The following CCDC186 variants were observed in gnomAD, a reference collection of about 807,000 sequenced individuals.
CCDC186 encodes the protein coiled-coil domain-containing protein 186.
Under a neutral mutation model 113.7 loss-of-function variants are expected in CCDC186, and 49 were observed. The observed-to-expected ratio is 0.43, with a 90% confidence interval of 0.34 to 0.55. CCDC186 has a LOEUF of 0.55. Among genes scored for constraint, CCDC186 ranks in the 20% least tolerant of loss-of-function variants. CCDC186 has a pLI of 0.02. For missense variants in CCDC186, 890 were observed against 1,011.1 expected (o/e 0.88, Z 1.62); for synonymous variants, 355 against 345.8 (o/e 1.03, Z -0.30).
At chr10:114,158,101 G>C (rs942994869) in intron 2 of CCDC186, among the ~76,000 whole-genome samples, 1 of 152,186 alleles carries the variant, frequency 6.6e-6, no homozygotes. Context: ...GCTGCTACTG[G>C]CATCTAGTGG....
In CCDC186 at chr10:114,163,123, G is replaced by C; in HGVS notation, c.146C>G (p.Thr49Ser). Residue 49 changes from threonine to serine, a missense_variant, in exon 2 of 16, where the codon ACT becomes AGT. By Grantham distance (58) the Thr-to-Ser change is moderately conservative. Transcript: ENST00000369287. Reference sequence around the variant, plus strand: ...ATTAGGTTGACATAAAGTTTTATCAGTGTTTAATGACAATAGTTTGGACTC... The same window carrying C: ...ATTAGGTTGACATAAAGTTTTATCACTGTTTAATGACAATAGTTTGGACTC... ...ENESKLLSLN[T>S]DKTLCQPNEH... 6.2e-7 allele frequency: 1 copy of C among 1,613,944 alleles called. No homozygotes were observed.
rs1411342823 is a variant in CCDC186 at position 114,145,581 on chromosome 10, T to C, written c.1069A>G (p.Lys357Glu). The C allele has an allele frequency of 1.2e-6, 2 of 1,611,488 alleles. No individual in the cohort carries two copies. Among genetic ancestry groups the C allele is most frequent in the Admixed American group, 3.4e-5 (2 of 59,676 alleles). The change falls in exon 5 of 16, where the codon AAA becomes GAA. Residue 357 changes from lysine to glutamate, a missense_variant. Transcript: ENST00000369287. ...TNKIKQLSQE[K>E]GRLHQLYETK... ...TCATACAGCTGGTGCAACCGTCCTTTCTCCTGAGAAAGCTGCTTAATTTTG... is the reference window on the plus strand; with the variant it reads ...TCATACAGCTGGTGCAACCGTCCTTCCTCCTGAGAAAGCTGCTTAATTTTG...
At chr10:114,157,492 G>A in intron 3 of CCDC186, 62 bp downstream of exon 3, 1 of 1,463,292 alleles carries the variant, frequency 6.8e-7, no homozygotes, top group Middle Eastern at 2.1e-4. Flanking sequence ...ACAATCGGCT[G>A]CCAGGAATGT....
chr10:114,146,349 A>G (rs2031640861), intron 4 of CCDC186, among the ~76,000 whole-genome samples: 1 of 152,238 alleles, frequency 6.6e-6, no homozygotes, highest in Non-Finnish European at 1.5e-5. Context: ...CCACACCTTG[A>G]CAAAGAATCT....
chr10:114,149,177 C>T (rs565576253), intron 4 of CCDC186, among the ~76,000 whole-genome samples: 1 of 152,284 alleles, frequency 6.6e-6, no homozygotes, highest in South Asian at 2.1e-4. Context: ...CAAGTTAACA[C>T]TTGTAAAGTA....
intron 7 of CCDC186, 98 bp from the exon 8 acceptor site, chr10:114,136,344 A>G (rs2031261422): frequency 2.6e-6 from 2 of 764,016 alleles, no homozygotes; most frequent in South Asian, 3.4e-5. Flanking sequence ...CATCATATAC[A>G]TTTCTGTTAC....
At chr10:114,132,310 T>C (rs2031114145) in intron 10 of CCDC186, 126 bp from the exon 11 acceptor site, 1 of 685,726 alleles carries the variant, frequency 1.5e-6, no homozygotes, top group Non-Finnish European at 2.2e-6. Flanking sequence ...CAAATATTTA[T>C]AAATGCCTAA....
intron 15 of CCDC186, 59 bp downstream of exon 15, chr10:114,125,827 G>T: frequency 7.0e-7 from 1 of 1,429,738 alleles, no homozygotes; most frequent in Non-Finnish European, 9.8e-7. Flanking sequence ...ATCAGACTGT[G>T]AAACAGGCAT....
Position 114,158,419 on chromosome 10 carries a change from T to C in CCDC186, c.633-739A>G, listed in dbSNP as rs200685971. Among the ~76,000 whole-genome samples the C allele has an allele frequency of 3.9e-5, 6 of 152,216 alleles. No individual in the cohort carries two copies. In the East Asian group the frequency reaches 1.2e-3, roughly 29 times the overall value. On this transcript the variant is annotated intron_variant, in intron 2 of 15. Transcript: ENST00000369287. ...TAACAGCAAGTACTCTAGGACTAAT[T>C]AGCAATAGCTGTAACCTAACATTTA... is the stretch of plus-strand genomic sequence containing the variant.
chr10:114,173,897 C>CCTCGCA (rs1331116372), intron 1 of CCDC186, 118 bp downstream of exon 1: 2 of 397,032 alleles, frequency 5.0e-6, no homozygotes, highest in East Asian at 8.6e-5. Flanking sequence ...TCGACCTCCA[C>CCTCGCA]CTCGCACTCG....
rs191183168 is a variant in CCDC186, at chr10:114,125,129, G to T, written c.*14C>A. The stretch of plus-strand genomic sequence containing the variant: ...TGTGTGGCTTTTGTCTCTTTACTGA[G>T]CAAGAGGCTTGTTTTAGGTTTTCTT... On this transcript the variant is annotated 3_prime_UTR_variant, in exon 16 of 16. Transcript: ENST00000369287. The T allele has an allele frequency of 2.0e-4, 316 of 1,586,108 alleles. No individual in the cohort carries two copies. In the African/African-American group the frequency reaches 3.8e-3, roughly 19 times the overall value.
intron 3 of CCDC186, among the ~76,000 whole-genome samples, chr10:114,155,146 A>G (rs757390440): frequency 9.2e-5 from 14 of 152,206 alleles, no homozygotes; most frequent in Admixed American, 8.5e-4. Context: ...TGGGGTGATG[A>G]CATGTTCTAA....
chr10:114,154,056 C>CA (rs555710943), intron 3 of CCDC186, among the ~76,000 whole-genome samples: 66 of 151,164 alleles, frequency 4.4e-4, no homozygotes, highest in African/African-American at 1.6e-3. Context: ...CAAAAAAATA[C>CA]AAAAATTAGC....
chr10:114,151,754 T>C (rs554218704), intron 3 of CCDC186, among the ~76,000 whole-genome samples: 25 of 152,188 alleles, frequency 1.6e-4, no homozygotes, highest in Non-Finnish European at 3.4e-4. Flanking sequence ...ACAGTGCTTG[T>C]GTGCAGCAAC....
intron 1 of CCDC186, among the ~76,000 whole-genome samples, chr10:114,166,641 T>C (rs2032342750): frequency 6.6e-6 from 1 of 152,210 alleles, no homozygotes; most frequent in Non-Finnish European, 1.5e-5. Context: ...TATTCTCTAC[T>C]ACATTTACAC....
intron 6 of CCDC186, among the ~76,000 whole-genome samples, chr10:114,140,431 A>G (rs1219979665): frequency 6.6e-6 from 1 of 152,240 alleles, no homozygotes; most frequent in Non-Finnish European, 1.5e-5. Flanking sequence ...TTGACATAGG[A>G]AAGCAATGGA....
intron 6 of CCDC186, among the ~76,000 whole-genome samples, chr10:114,137,788 G>A (rs1327987661): frequency 5.9e-5 from 9 of 152,034 alleles, no homozygotes; most frequent in Non-Finnish European, 1.5e-5. Context: ...TGTAATCCCA[G>A]CACTTTGGGG....
At chr10:114,148,998 A>G (rs1240248921) in intron 4 of CCDC186, among the ~76,000 whole-genome samples, 1 of 152,232 alleles carries the variant, frequency 6.6e-6, no homozygotes, top group Non-Finnish European at 1.5e-5. Flanking sequence ...ACAAGTGTTC[A>G]TTTTACTAAT....
chr10:114,154,163 A>G (rs560222194), intron 3 of CCDC186, among the ~76,000 whole-genome samples: 1 of 150,992 alleles, frequency 6.6e-6, no homozygotes, highest in African/African-American at 2.4e-5. Context: ...GTGAACCGAG[A>G]TCGCAACATC....
Sources: allele counts gnomAD v4.1 joint callset (sites outside exome capture counted in the v4.1 genomes callset), GRCh38; gene constraint gnomAD v4.1.1; transcripts MANE v1.5; gene names NCBI Gene and HGNC (gene_info 2026-07-23, HGNC 2026-07-21).